The following KPNA5 variants were observed in gnomAD, a reference collection of about 807,000 sequenced individuals.
KPNA5 encodes the protein importin subunit alpha-6.
KPNA5 carries 46 observed loss-of-function variants against 71.3 expected under a neutral mutation model. That is an observed-to-expected ratio of 0.65 (90% CI 0.51 to 0.83). KPNA5 has a LOEUF of 0.83. Ranked by LOEUF, KPNA5 falls within the 40% of genes least tolerant of loss-of-function variation. The pLI is 0.00. For synonymous variants in KPNA5, 207 were observed against 201.4 expected (o/e 1.03, Z -0.24); for missense variants, 547 against 628.3 (o/e 0.87, Z 1.38).
rs1779623862 is a variant in KPNA5 at position 116,735,095 on chromosome 6, T to C, written c.*2772T>C. The C allele has an allele frequency of 6.6e-6, 1 of 151,816 alleles. No homozygotes were observed. Among genetic ancestry groups the C allele is most frequent in the Non-Finnish European group, 1.5e-5 (1 of 67,778 alleles). The allele number at this position is 151,816 out of a possible 1,614,324, so 9.4% of individuals were successfully genotyped here. ...TGTGTTTTATTTCAAAACGTTGTTT[T>C]AAGTGATAGTGTCCTTAAATTTTAG... On this transcript the variant is annotated 3_prime_UTR_variant, in exon 14 of 14. Coordinates refer to ENST00000368564, the MANE Select transcript of KPNA5 (RefSeq NM_001366306.2).
chr6:116,705,339 G>A (rs138473128), intron 7 of KPNA5, among the ~76,000 whole-genome samples, 179 bp downstream of exon 7: 1 of 152,268 alleles, frequency 6.6e-6, no homozygotes, highest in African/African-American at 2.4e-5. Context: ...TGTCTTTTAT[G>A]TTCCCTTAAA....
chr6:116,726,996 A>G (rs555071286), intron 12 of KPNA5, among the ~76,000 whole-genome samples: 1 of 152,254 alleles, frequency 6.6e-6, no homozygotes, highest in Non-Finnish European at 1.5e-5. Context: ...TAAAATTGAA[A>G]TAGACATTGT....
At chr6:116,716,361 C>T in intron 8 of KPNA5, 43 bp downstream of exon 8, 1 of 1,350,812 alleles carries the variant, frequency 7.4e-7, no homozygotes, top group Admixed American at 1.9e-5. Context: ...TTTCCATAAA[C>T]CTAAGTTTCT....
intron 13 of KPNA5, among the ~76,000 whole-genome samples, chr6:116,730,930 A>AT (rs199608243): frequency 0.018 from 2,734 of 150,182 alleles, 37 homozygotes; most frequent in South Asian, 0.033. Context: ...TCCTCGGTCT[A>AT]TTTTTTTTCA....
At chr6:116,716,743 T>C (rs1028848514) in intron 8 of KPNA5, among the ~76,000 whole-genome samples, 2 of 152,172 alleles carry the variant, frequency 1.3e-5, no homozygotes, top group African/African-American at 4.8e-5. Context: ...ATTAATTAAT[T>C]CCCAGTTTAG....
At chr6:116,691,714 A>G (rs1047171803) in intron 2 of KPNA5, among the ~76,000 whole-genome samples, 2 of 152,280 alleles carry the variant, frequency 1.3e-5, no homozygotes, top group South Asian at 2.1e-4. Flanking sequence ...TCTTGCAAAA[A>G]TTCTTAGATA....
chr6:116,691,396 G>T (rs1562429321), intron 2 of KPNA5, among the ~76,000 whole-genome samples: 1 of 152,118 alleles, frequency 6.6e-6, no homozygotes, highest in Non-Finnish European at 1.5e-5. Flanking sequence ...TGAGACCAGA[G>T]GCACGTGCTG....
In KPNA5 at chr6:116,683,824, C is replaced by T. The variant is rs546812350; in HGVS notation, c.4+2486C>T. ...GTGTTAGCCAAAATGGTCTCGATCT[C>T]CTGACCTTGTGATCCACCTGCCTCG... is the stretch of plus-strand genomic sequence containing the variant. On this transcript the variant is annotated intron_variant, in intron 1 of 13. Coordinates refer to ENST00000368564, the MANE Select transcript of KPNA5 (RefSeq NM_001366306.2). Among the ~76,000 whole-genome samples the T allele has an allele frequency of 1.9e-4, 28 of 150,094 alleles. No individual in the cohort carries two copies. The South Asian group carries it at 5.9e-3, about 32-fold the overall frequency.
chr6:116,689,805 A>G (rs768220489), intron 2 of KPNA5, among the ~76,000 whole-genome samples: 46 of 152,234 alleles, frequency 3.0e-4, no homozygotes, highest in Non-Finnish European at 5.9e-4. Context: ...TGTAGTTTTC[A>G]TAATTCTTGC....
intron 1 of KPNA5, among the ~76,000 whole-genome samples, chr6:116,685,740 C>G (rs76764346): frequency 2.0e-5 from 3 of 152,104 alleles, no homozygotes; most frequent in Non-Finnish European, 2.9e-5. Context: ...AACTGCTGCA[C>G]TGAACATTTG....
intron 8 of KPNA5, among the ~76,000 whole-genome samples, chr6:116,718,101 G>A (rs887453445): frequency 6.6e-6 from 1 of 151,966 alleles, no homozygotes; most frequent in African/African-American, 2.4e-5. Flanking sequence ...ATTCCTAGTG[G>A]GTGGGGGAGC....
Position 116,726,521 on chromosome 6 carries a change from T to C in KPNA5, c.1152T>C (p.Pro384=). The C allele has an allele frequency of 6.2e-7, 1 of 1,612,116 alleles. No individual in the cohort carries two copies. Among genetic ancestry groups the C allele is most frequent in the Non-Finnish European group, 8.5e-7 (1 of 1,178,606 alleles). ...CTGTTATAGATGCAAATATTTTTCC[T>C]GTTTTGATTGAGATTCTTCAGAAAG... ...IQAVIDANIF[P]VLIEILQKAE... Residue 384 remains proline (P), a synonymous_variant, in exon 12 of 14, where the codon CCT becomes CCC. Transcript: ENST00000368564.
At chr6:116,721,766 C>T (rs557791261) in intron 8 of KPNA5, among the ~76,000 whole-genome samples, 48 of 152,196 alleles carry the variant, frequency 3.2e-4, no homozygotes, top group African/African-American at 1.1e-3. Context: ...CAGTGAGGCT[C>T]ATTAAAGTTA....
chr6:116,705,247 T>A, intron 7 of KPNA5, 87 bp downstream of exon 7: 1 of 1,016,088 alleles, frequency 9.8e-7, no homozygotes, highest in Admixed American at 2.4e-5. Flanking sequence ...TCAGTCATAC[T>A]TGTAAATTTG....
chr6:116,700,902 A>C (rs1422650522), intron 5 of KPNA5, among the ~76,000 whole-genome samples: 1 of 152,106 alleles, frequency 6.6e-6, no homozygotes, highest in Non-Finnish European at 1.5e-5. Context: ...AGGTTTTCAC[A>C]GTTGTCACTT....
chr6:116,688,859 G>A (rs1251747213), intron 1 of KPNA5, among the ~76,000 whole-genome samples: 3 of 152,198 alleles, frequency 2.0e-5, no homozygotes, highest in Middle Eastern at 3.4e-3. Flanking sequence ...TATTTGAGAT[G>A]TGCTTACTGG....
intron 4 of KPNA5, among the ~76,000 whole-genome samples, chr6:116,695,907 G>A (rs1402890851): frequency 6.6e-6 from 1 of 151,988 alleles, no homozygotes; most frequent in African/African-American, 2.4e-5. Context: ...CAGTGTTTTT[G>A]TACCATTTCC....
rs1232338884 is a variant in KPNA5 at position 116,694,018 on chromosome 6, G to C, written c.340+1626G>C. 1.3e-4 allele frequency among the ~76,000 whole-genome samples: 19 copies of C among 151,866 alleles called. No homozygotes were observed. The East Asian group carries it at 2.1e-3, about 17-fold the overall frequency. ...AATCCTTTCCCCATTTCTTGTTTTT[G>C]TCAGGTTTGTCAAAGATCAGATAGT... On this transcript the variant is annotated intron_variant, in intron 4 of 13. Coordinates refer to ENST00000368564, the MANE Select transcript of KPNA5 (RefSeq NM_001366306.2).
intron 1 of KPNA5, among the ~76,000 whole-genome samples, chr6:116,683,788 G>A (rs985511622): frequency 4.6e-5 from 7 of 150,944 alleles, no homozygotes; most frequent in Admixed American, 4.0e-4. Flanking sequence ...TAATAGAGAT[G>A]GGGTTTCACT....
Sources: gnomAD v4.1 joint callset for allele counts (sites outside exome capture counted in the v4.1 genomes callset) on GRCh38, gnomAD v4.1.1 for gene constraint, MANE v1.5 for transcripts, NCBI Gene and HGNC (gene_info 2026-07-23, HGNC 2026-07-21) for gene names.